DHX57: variants seen among roughly 807,000 people sequenced by gnomAD.
DHX57 encodes DExH-box helicase 57, also known as putative ATP-dependent RNA helicase DHX57.
Under a neutral mutation model 156.2 loss-of-function variants are expected in DHX57, and 105 were observed. That is an observed-to-expected ratio of 0.67 (90% CI 0.57 to 0.79). DHX57 has a LOEUF of 0.79. DHX57 is among the 30% of genes least tolerant of loss of function. DHX57 has a pLI of 0.00. For synonymous variants in DHX57, 704 were observed against 595.6 expected, an observed-to-expected ratio of 1.18 and a Z score of -2.65; for missense variants, 1,847 against 1,661.9, an observed-to-expected ratio of 1.11 and a Z score of -1.94.
intron 5 of DHX57, among the ~76,000 whole-genome samples, chr2:38,859,293 G>A (rs1463775887): frequency 2.6e-5 from 4 of 152,124 alleles, no homozygotes; most frequent in Non-Finnish European, 5.9e-5. Context: ...TGCATATTGT[G>A]TAATTCCATT....
intron 21 of DHX57, among the ~76,000 whole-genome samples, chr2:38,812,071 T>C (rs1670275270): frequency 6.6e-6 from 1 of 152,124 alleles, no homozygotes; most frequent in African/African-American, 2.4e-5. Flanking sequence ...CACATTCTTT[T>C]TTAAATAATC....
At chr2:38,854,011 A>AAGGAATTG (rs772017605) in intron 9 of DHX57, 43 bp downstream of exon 9, 1 of 1,535,140 alleles carries the variant, frequency 6.5e-7, no homozygotes, top group South Asian at 1.3e-5. Context: ...CCATGCCTTC[A>AAGGAATTG]ATTCAGGTGA....
In DHX57 at chr2:38,856,457, G is replaced by A. The variant is rs780839910; in HGVS notation, c.1592C>T (p.Ser531Phe). Residue 531 changes from serine (S) to phenylalanine (F), a missense_variant, in exon 7 of 24, where the codon TCC becomes TTC. Coordinates refer to ENST00000457308, the MANE Select transcript of DHX57 (RefSeq NM_198963.3). ...ICKQFRMKQA[S>F]RQFQSILQER... is the part of the protein sequence containing the mutation. ...TTGCAGAATGGACTGGAACTGTCTG[G>A]AAGCCTAATAAAATCAAAGATAAGA... 1 of 1,592,002 alleles carries A rather than the reference G, an allele frequency of 6.3e-7. No individual in the cohort carries two copies. The highest frequency in any genetic ancestry group is 8.5e-7 in the Non-Finnish European group (1 of 1,174,482).
At chr2:38,831,322 C>CT (rs11348384) in intron 13 of DHX57, among the ~76,000 whole-genome samples, 51 of 116,934 alleles carry the variant, frequency 4.4e-4, no homozygotes, top group East Asian at 1.9e-3. Flanking sequence ...TTCTTTATTT[C>CT]TTTTTTTTTT....
Position 38,854,566 on chromosome 2 carries a change from T to G in DHX57, c.1906-388A>C, listed in dbSNP as rs1300468209. The G allele has an allele frequency of 3.4e-3, 525 of 156,042 alleles. 4 individuals are homozygous for G. Among genetic ancestry groups the G allele is most frequent in the African/African-American group, 0.011 (444 of 41,348 alleles). The allele number at this position is 156,042 out of a possible 1,614,324, so 9.7% of individuals were successfully genotyped here. ...TACAACCAAATAAGAGTTTTTTTTTTTTTTTTTTTTTTGAGACAGAATTTT... is the reference window on the plus strand; with the variant it reads ...TACAACCAAATAAGAGTTTTTTTTTGTTTTTTTTTTTTGAGACAGAATTTT... On this transcript the variant is annotated intron_variant, in intron 8 of 23. Coordinates refer to ENST00000457308, the MANE Select transcript of DHX57 (RefSeq NM_198963.3).
In DHX57 at chr2:38,861,962, AAAGCATCCCTGATAACAAT is replaced by A; in HGVS notation, c.573-144_573-126del. 3.2e-6 allele frequency: 4 copies of A among 1,251,640 alleles called. No homozygotes were observed. The South Asian group carries it at 6.5e-5, about 20-fold the overall frequency. 77.5% of individuals were successfully genotyped at this position (1,251,640 alleles called of 1,614,324 possible). On this transcript the variant is annotated intron_variant, in intron 4 of 23. Transcript: ENST00000457308. ...ACATAGGCAGGGCTTGTATTTTGAAAAAGCATCCCTGATAACAATAAGCCCCCCTGAATGACCCCTTCTG... is the reference window on the plus strand; with the variant it reads ...ACATAGGCAGGGCTTGTATTTTGAAAAAGCCCCCCTGAATGACCCCTTCTG...
intron 23 of DHX57, among the ~76,000 whole-genome samples, chr2:38,799,750 CAAA>C (rs34097778): frequency 6.1e-5 from 6 of 99,110 alleles, no homozygotes; most frequent in East Asian, 6.2e-4. Flanking sequence ...AACTCCATCT[CAAA>C]AAAAAAAAAA....
rs187956851 is a variant in DHX57 at position 38,804,921 on chromosome 2, A to G, written c.3816+1638T>C. On this transcript the variant is annotated intron_variant, in intron 22 of 23. Transcript: ENST00000457308. ...ATCCTGCTCTATTTTGCTTTATAGC[A>G]TTACCTGAGATTCTGTTTACTTATG... Among the ~76,000 whole-genome samples the G allele has an allele frequency of 1.2e-4, 19 of 152,218 alleles. No individual in the cohort carries two copies. The East Asian group carries it at 1.5e-3, about 12-fold the overall frequency.
intron 4 of DHX57, 113 bp from the exon 5 acceptor site, chr2:38,861,950 T>G: frequency 7.8e-7 from 1 of 1,288,430 alleles, no homozygotes; most frequent in South Asian, 1.6e-5. Context: ...TAGGCAGGGC[T>G]TGTATTTTGA....
chr2:38,808,740 C>G (rs1670082990), intron 21 of DHX57, among the ~76,000 whole-genome samples: 1 of 152,042 alleles, frequency 6.6e-6, no homozygotes, highest in South Asian at 2.1e-4. Context: ...ACAGCACCAG[C>G]ATTATATTAT....
intron 2 of DHX57, among the ~76,000 whole-genome samples, chr2:38,864,636 A>G (rs533388659): frequency 3.3e-5 from 5 of 152,184 alleles, no homozygotes; most frequent in South Asian, 2.1e-4. Flanking sequence ...TCTTTGGATC[A>G]TTCCCATCAG....
rs916750022 is a variant in DHX57 at position 38,861,806 on chromosome 2, C to G, written c.604G>C (p.Val202Leu). The change falls in exon 5 of 24, where the codon GTC becomes CTC. Residue 202 changes from valine (V) to leucine (L), a missense_variant. Transcript: ENST00000457308. ...YGFNTERCQA[V>L]LRMCDGDVGA... ...ACATCTCCATCACACATCCTCAGGA[C>G]CGCTTGACAGCGTTCAGTATTGAAA... 5 of 1,612,174 alleles carry G rather than the reference C, an allele frequency of 3.1e-6. No homozygotes were observed. The highest frequency in any genetic ancestry group is 4.2e-6 in the Non-Finnish European group (5 of 1,179,058).
At chr2:38,866,548 G>A (rs901579382) in intron 2 of DHX57, among the ~76,000 whole-genome samples, 1 of 152,036 alleles carries the variant, frequency 6.6e-6, no homozygotes, top group Non-Finnish European at 1.5e-5. Context: ...GCGGCACCTG[G>A]TAATGTTATA....
intron 21 of DHX57, among the ~76,000 whole-genome samples, chr2:38,812,379 GA>G (rs1334435820): frequency 4.6e-5 from 7 of 152,188 alleles, no homozygotes; most frequent in African/African-American, 1.7e-4. Flanking sequence ...TTAAGGCTTT[GA>G]AAAATGATTC....
At chr2:38,861,871 T>C (rs539545225) in intron 4 of DHX57, 34 bp from the exon 5 acceptor site, 18 of 1,538,726 alleles carry the variant, frequency 1.2e-5, no homozygotes, top group Non-Finnish European at 1.3e-5. Context: ...AAATGACACA[T>C]AAAAAGCAGT....
At chr2:38,821,943 C>T (rs1027683574) in intron 17 of DHX57, among the ~76,000 whole-genome samples, 16 of 152,068 alleles carry the variant, frequency 1.1e-4, no homozygotes, top group African/African-American at 3.9e-4. Context: ...ACAACTGACT[C>T]AAAATGAAAT....
chr2:38,854,344 A>G, intron 8 of DHX57, 166 bp from the exon 9 acceptor site: 1 of 575,822 alleles, frequency 1.7e-6, no homozygotes, highest in Non-Finnish European at 2.8e-6. Context: ...GGACAGTAAT[A>G]AAAGCCTTTC....
At chr2:38,845,971 T>A (rs1672261607) in intron 11 of DHX57, among the ~76,000 whole-genome samples, 1 of 151,916 alleles carries the variant, frequency 6.6e-6, no homozygotes, top group African/African-American at 2.4e-5. Context: ...GTTCAAGCGA[T>A]TCTCCTGCCT....
At chr2:38,837,682 C>A in intron 13 of DHX57, 149 bp downstream of exon 13, 1 of 385,612 alleles carries the variant, frequency 2.6e-6, no homozygotes, top group Non-Finnish European at 4.8e-6. Flanking sequence ...GGAAGTTTAT[C>A]AGACTGCAAA....
Sources: gnomAD v4.1 joint callset for allele counts (sites outside exome capture counted in the v4.1 genomes callset) on GRCh38, gnomAD v4.1.1 for gene constraint, MANE v1.5 for transcripts, NCBI Gene and HGNC (gene_info 2026-07-23, HGNC 2026-07-21) for gene names.